The following CPQ variants were observed in gnomAD, a reference collection of about 807,000 sequenced individuals.
CPQ encodes the protein Ser-Met dipeptidase.
CPQ carries 37 observed loss-of-function variants against 45.7 expected under a neutral mutation model. The ratio of observed to expected loss-of-function variants is 0.81; its 90% confidence interval spans 0.62 to 1.07. The LOEUF is 1.07. CPQ is among the 50% of genes least tolerant of loss of function. The pLI is 0.00. For missense variants in CPQ, 537 were observed against 572.9 expected, an observed-to-expected ratio of 0.94 and a Z score of 0.64; for synonymous variants, 186 against 205.8, an observed-to-expected ratio of 0.90 and a Z score of 0.82.
At chr8:96,893,113 G>A (rs1812398792) in intron 4 of CPQ, among the ~76,000 whole-genome samples, 1 of 152,194 alleles carries the variant, frequency 6.6e-6, no homozygotes, top group Admixed American at 6.5e-5. Context: ...AGAGGTCACA[G>A]AATTTGCAAA....
chr8:96,873,171 T>A (rs1250973593), intron 3 of CPQ, among the ~76,000 whole-genome samples: 1 of 151,842 alleles, frequency 6.6e-6, no homozygotes, highest in Non-Finnish European at 1.5e-5. Context: ...TGAGTTTTGT[T>A]CATGTGGAGT....
chr8:96,836,655 A>G (rs1264901197), intron 3 of CPQ, among the ~76,000 whole-genome samples: 1 of 152,194 alleles, frequency 6.6e-6, no homozygotes, highest in Non-Finnish European at 1.5e-5. Flanking sequence ...CACGGTCATG[A>G]GACTTAAATT....
At chr8:96,659,664 A>G (rs779074057) in intron 1 of CPQ, among the ~76,000 whole-genome samples, 11 of 151,892 alleles carry the variant, frequency 7.2e-5, no homozygotes, top group Admixed American at 1.3e-4. Context: ...TGTATTTTCT[A>G]TTTAGGTTAG....
intron 4 of CPQ, among the ~76,000 whole-genome samples, chr8:96,912,052 G>A (rs752758302): frequency 9.9e-5 from 15 of 152,110 alleles, no homozygotes; most frequent in African/African-American, 2.7e-4. Context: ...ATGAGCTACC[G>A]CATGCAAAGT....
At chr8:96,892,552 C>A (rs531146668) in intron 4 of CPQ, among the ~76,000 whole-genome samples, 1 of 152,264 alleles carries the variant, frequency 6.6e-6, no homozygotes, top group Non-Finnish European at 1.5e-5. Context: ...TTTAAGCTGG[C>A]AAATTCATTC....
At chr8:96,792,591 A>G (rs943580939) in intron 2 of CPQ, among the ~76,000 whole-genome samples, 4 of 152,070 alleles carry the variant, frequency 2.6e-5, no homozygotes, top group Admixed American at 2.0e-4. Context: ...TGTATGTTTT[A>G]TATTAGTTAG....
intron 5 of CPQ, among the ~76,000 whole-genome samples, chr8:97,002,733 T>C (rs1220417934): frequency 6.6e-6 from 1 of 152,156 alleles, no homozygotes; most frequent in Non-Finnish European, 1.5e-5. Flanking sequence ...TATTCTGTTA[T>C]TTTTGGGTGG....
intron 6 of CPQ, among the ~76,000 whole-genome samples, chr8:97,040,886 G>A (rs1307025205): frequency 6.6e-6 from 1 of 152,130 alleles, no homozygotes. Flanking sequence ...GGTTACTGTA[G>A]CCTTGTAGTA....
rs111591437 is a variant in CPQ at position 96,728,287 on chromosome 8, GA to G, written c.-34-56571del. 6.0e-3 allele frequency among the ~76,000 whole-genome samples: 906 copies of G among 152,066 alleles called. 16 individuals carry two copies. The highest frequency in any genetic ancestry group is 0.016 in the African/African-American group (654 of 41,480). On this transcript the variant is annotated intron_variant, in intron 1 of 7. Transcript: ENST00000220763. ...ATATGGAATGATATTTTTTTAACTT[GA>G]AAAAAGTATGACAAGAGGCCAGGAT...
At chr8:96,674,976 C>G (rs1208825838) in intron 1 of CPQ, among the ~76,000 whole-genome samples, 1 of 151,904 alleles carries the variant, frequency 6.6e-6, no homozygotes, top group Non-Finnish European at 1.5e-5. Context: ...CCCGCCTGTC[C>G]CTGGAACAAA....
intron 5 of CPQ, among the ~76,000 whole-genome samples, chr8:97,006,171 A>G (rs1809377836): frequency 6.6e-6 from 1 of 152,190 alleles, no homozygotes; most frequent in Admixed American, 6.5e-5. Flanking sequence ...CTTGTAGAAT[A>G]AGGCTCTCAG....
intron 2 of CPQ, among the ~76,000 whole-genome samples, chr8:96,804,868 A>G (rs1163785586): frequency 6.6e-6 from 1 of 151,828 alleles, no homozygotes; most frequent in Non-Finnish European, 1.5e-5. Flanking sequence ...TTTTAAGTAC[A>G]TTTTCTATAC....
chr8:96,772,110 A>G (rs1160085118), intron 1 of CPQ, among the ~76,000 whole-genome samples: 2 of 152,076 alleles, frequency 1.3e-5, no homozygotes, highest in African/African-American at 4.8e-5. Context: ...TAGAAGAGAG[A>G]TAACTGTTGT....
intron 1 of CPQ, among the ~76,000 whole-genome samples, chr8:96,768,958 T>C (rs1810505223): frequency 6.6e-6 from 1 of 152,202 alleles, no homozygotes; most frequent in South Asian, 2.1e-4. Flanking sequence ...TGTTTAGCAA[T>C]AAAAACACAT....
chr8:96,890,771 C>G (rs186507193), intron 4 of CPQ, among the ~76,000 whole-genome samples: 2 of 152,198 alleles, frequency 1.3e-5, no homozygotes, highest in Non-Finnish European at 2.9e-5. Context: ...CCCTCTGGAA[C>G]TAAGACTTCT....
At chr8:97,015,521 T>C (rs1006901457) in intron 5 of CPQ, among the ~76,000 whole-genome samples, 13 of 152,140 alleles carry the variant, frequency 8.5e-5, no homozygotes, top group African/African-American at 3.1e-4. Flanking sequence ...TGTGTGTGCA[T>C]ATGTGTGAAA....
At chr8:96,854,566 G>C (rs546770327) in intron 3 of CPQ, among the ~76,000 whole-genome samples, 2 of 128,574 alleles carry the variant, frequency 1.6e-5, no homozygotes, top group Non-Finnish European at 3.3e-5. Context: ...AAAATGTGGT[G>C]GAACTAAAAG....
At chr8:97,100,296 G>C (rs1811280230) in intron 7 of CPQ, among the ~76,000 whole-genome samples, 1 of 152,212 alleles carries the variant, frequency 6.6e-6, no homozygotes, top group African/African-American at 2.4e-5. Context: ...AATGGCAGGA[G>C]TTCACTGAGA....
In CPQ at chr8:97,123,148, T is replaced by A. The variant is rs866155869; in HGVS notation, c.1256-19872T>A. Reference sequence around the variant, plus strand: ...ATAAATAAAATAAAATAAAATAAAATAAATAAAATAAAATAAAATAAAATA... The same window carrying A: ...ATAAATAAAATAAAATAAAATAAAAAAAATAAAATAAAATAAAATAAAATA... On this transcript the variant is annotated intron_variant, in intron 7 of 7. Coordinates refer to ENST00000220763, the MANE Select transcript of CPQ (RefSeq NM_016134.4). Among the ~76,000 whole-genome samples the A allele has an allele frequency of 2.5e-3, 52 of 20,590 alleles. 2 individuals are homozygous for A. The highest frequency in any genetic ancestry group is 8.4e-3 in the East Asian group (4 of 476). The allele number at this position is 20,590 out of a possible 152,430, so 13.5% of individuals were successfully genotyped here.
Sources: gnomAD v4.1 joint callset for allele counts (sites outside exome capture counted in the v4.1 genomes callset) on GRCh38, gnomAD v4.1.1 for gene constraint, MANE v1.5 for transcripts, NCBI Gene and HGNC (gene_info 2026-07-23, HGNC 2026-07-21) for gene names.